The following RGS5 variants were observed in gnomAD, a reference collection of about 807,000 sequenced individuals.
RGS5 encodes regulator of G protein signaling 5, also known as regulator of G-protein signalling 5.
RGS5 carries 20 observed loss-of-function variants against 18.9 expected under a neutral mutation model. The observed-to-expected ratio is 1.06, with a 90% CI of 0.74 to 1.54. RGS5 has a LOEUF of 1.54. Among genes scored for constraint, RGS5 ranks in the 40% most tolerant of loss-of-function variants. The pLI, the probability that RGS5 is intolerant of heterozygous loss-of-function variation, is 0.00. For synonymous variants in RGS5, 57 were observed against 76.2 expected (o/e 0.75, Z 1.31); for missense variants, 201 against 211.8 (o/e 0.95, Z 0.32).
upstream of RGS5, among the ~76,000 whole-genome samples, chr1:163,217,885 C>G (rs1557909061): frequency 6.6e-6 from 1 of 152,124 alleles, no homozygotes; most frequent in Non-Finnish European, 1.5e-5. Flanking sequence ...GATTACGGTA[C>G]TGTGAGTAAC....
At chr1:163,314,828 G>T (rs1256873256) in intron 1 of RGS5, among the ~76,000 whole-genome samples, 3 of 152,090 alleles carry the variant, frequency 2.0e-5, no homozygotes, top group Non-Finnish European at 4.4e-5. Flanking sequence ...TTATGCGAGG[G>T]CACAGCTAGA....
At chr1:163,301,538 G>T (rs552443755) in intron 2 of RGS5, among the ~76,000 whole-genome samples, 1 of 152,228 alleles carries the variant, frequency 6.6e-6, no homozygotes, top group South Asian at 2.1e-4. Flanking sequence ...TTACCATGTT[G>T]TCCAGGCTGG....
chr1:163,221,888 C>T (rs1195658558), upstream of RGS5, among the ~76,000 whole-genome samples: 2 of 152,084 alleles, frequency 1.3e-5, no homozygotes, highest in Admixed American at 6.5e-5. Context: ...TATGATGAGG[C>T]TAACCTCTAC....
chr1:163,194,133 T>C (rs956870150), intron 1 of RGS5, among the ~76,000 whole-genome samples: 4 of 152,168 alleles, frequency 2.6e-5, no homozygotes, highest in African/African-American at 4.8e-5. Flanking sequence ...TTTTTCTTCA[T>C]AGAATTCACC....
chr1:163,260,907 T>G (rs1648415980), intron 2 of RGS5, among the ~76,000 whole-genome samples: 1 of 152,178 alleles, frequency 6.6e-6, no homozygotes, highest in African/African-American at 2.4e-5. Flanking sequence ...AAGTATCTGT[T>G]TAAATGACTG....
intron 2 of RGS5, among the ~76,000 whole-genome samples, chr1:163,233,706 G>T (rs1473191994): frequency 6.6e-6 from 1 of 152,140 alleles, no homozygotes; most frequent in African/African-American, 2.4e-5. Context: ...CAGGCAGGGG[G>T]TGGATCTTAA....
intron 2 of RGS5, among the ~76,000 whole-genome samples, chr1:163,256,287 A>G (rs1648270632): frequency 6.6e-6 from 1 of 150,944 alleles, no homozygotes; most frequent in Admixed American, 6.6e-5. Context: ...ATCAATGTAC[A>G]AAAATCACAA....
chr1:163,231,407 A>C (rs920047544), intron 2 of RGS5, among the ~76,000 whole-genome samples: 4 of 152,178 alleles, frequency 2.6e-5, no homozygotes, highest in Non-Finnish European at 5.9e-5. Flanking sequence ...AGAGTTTGTG[A>C]TCATGTTAGG....
chr1:163,273,206 C>T (rs1366716206), intron 2 of RGS5, among the ~76,000 whole-genome samples: 1 of 152,044 alleles, frequency 6.6e-6, no homozygotes, highest in Non-Finnish European at 1.5e-5. Flanking sequence ...AATGTGTATT[C>T]TGAACTCTTT....
chr1:163,228,168 T>G (rs1647383623), intron 2 of RGS5, among the ~76,000 whole-genome samples: 1 of 152,226 alleles, frequency 6.6e-6, no homozygotes, highest in South Asian at 2.1e-4. Flanking sequence ...GGACTCTGTG[T>G]GGGGTCTGCA....
At chr1:163,267,046 A>G (rs1648589074) in intron 2 of RGS5, among the ~76,000 whole-genome samples, 1 of 152,108 alleles carries the variant, frequency 6.6e-6, no homozygotes, top group Non-Finnish European at 1.5e-5. Flanking sequence ...GGTGTTATGG[A>G]GTGAATGTTT....
At chr1:163,176,621 C>CA (rs11397464) in intron 1 of RGS5, among the ~76,000 whole-genome samples, 67,962 of 141,898 alleles carry the variant, frequency 0.48, 16,413 homozygotes, top group East Asian at 0.64. Context: ...AACTCAGTCT[C>CA]AAAAAAAAAA....
At chr1:163,227,587 C>A (rs1405372675) in intron 2 of RGS5, among the ~76,000 whole-genome samples, 2 of 151,444 alleles carry the variant, frequency 1.3e-5, no homozygotes, top group South Asian at 4.2e-4. Context: ...TCCACCCCCA[C>A]CCCTCCCAAA....
intron 2 of RGS5, among the ~76,000 whole-genome samples, chr1:163,305,476 T>C (rs572798219): frequency 1.3e-5 from 2 of 152,322 alleles, no homozygotes; most frequent in South Asian, 4.1e-4. Flanking sequence ...AACCACTGTA[T>C]CTTTTCACAC....
chr1:163,187,940 T>C (rs904756214), intron 1 of RGS5, among the ~76,000 whole-genome samples: 29 of 152,130 alleles, frequency 1.9e-4, no homozygotes, highest in Non-Finnish European at 5.9e-5. Context: ...TGATGTTATC[T>C]CTGCATAGAT....
chr1:163,316,659 T>C (rs893895125), intron 1 of RGS5, among the ~76,000 whole-genome samples: 2 of 152,094 alleles, frequency 1.3e-5, no homozygotes, highest in African/African-American at 4.8e-5. Context: ...TAGAACATAG[T>C]TGGAATATTG....
chr1:163,147,619 A>C (rs1314090024), intron 4 of RGS5, 116 bp from the exon 5 acceptor site: 1 of 953,398 alleles, frequency 1.0e-6, no homozygotes, highest in Non-Finnish European at 1.5e-6. Flanking sequence ...AAAGTCATTA[A>C]AAACTGAGAC....
At chr1:163,170,135 CA>C (rs1658233102) in intron 1 of RGS5, among the ~76,000 whole-genome samples, 2 of 152,084 alleles carry the variant, frequency 1.3e-5, no homozygotes, top group Non-Finnish European at 2.9e-5. Flanking sequence ...TTGGGAGACC[CA>C]AAAAGCTACC....
chr1:163,175,950 A>C lies in RGS5; in HGVS notation c.45-7582T>G, dbSNP rs115688043. On this transcript the variant is annotated intron_variant, in intron 1 of 4. Transcript: ENST00000313961. ...AGAAATGAAAGCTCTGTTTCTAAAC[A>C]CAAGTGAATCATTCCCTAGCAGTGT... is the stretch of plus-strand genomic sequence containing the variant. Among the ~76,000 whole-genome samples the C allele has an allele frequency of 6.1e-3, 929 of 152,302 alleles. 12 individuals carry two copies. The highest frequency in any genetic ancestry group is 0.021 in the African/African-American group (873 of 41,568).
Sources: allele counts gnomAD v4.1 joint callset (sites outside exome capture counted in the v4.1 genomes callset), GRCh38; gene constraint gnomAD v4.1.1; transcripts MANE v1.5; gene names NCBI Gene and HGNC (gene_info 2026-07-23, HGNC 2026-07-21).